Variants in F11 observed in about 807,000 individuals in gnomAD.
The protein encoded by F11 is coagulation factor XI.
In F11, 78 loss-of-function variants were observed where a neutral mutation model predicts 76.5. The ratio of observed to expected loss-of-function variants is 1.02; its 90% CI spans 0.85 to 1.23. The LOEUF (loss-of-function observed/expected upper bound fraction) is 1.23. Ranked by LOEUF, F11 falls within the 50% of genes most tolerant of loss-of-function variation. F11 has a pLI of 0.00. For synonymous variants in F11, 278 were observed against 276.3 expected (o/e 1.01, Z -0.06); for missense variants, 742 against 771.4 (o/e 0.96, Z 0.45).
intron 10 of F11, chr4:186,281,908 C>T (rs542464941): frequency 3.7e-5 from 46 of 1,256,530 alleles, no homozygotes; most frequent in Non-Finnish European, 4.7e-5. Context: ...ACACTGGTAT[C>T]CTAACTAACA....
At chr4:186,284,381 A>C in intron 11 of F11, 121 bp downstream of exon 11, 1 of 1,078,988 alleles carries the variant, frequency 9.3e-7, no homozygotes, top group Non-Finnish European at 1.4e-6. Flanking sequence ...AAATTAATTA[A>C]TTGCTTCAGT....
chr4:186,285,323 G>A (rs928926760), intron 11 of F11, among the ~76,000 whole-genome samples: 4 of 150,550 alleles, frequency 2.7e-5, no homozygotes, highest in African/African-American at 7.4e-5. Flanking sequence ...AGCGGTCTTC[G>A]TGTGTGTGTG....
At chr4:186,285,872 CA>C in intron 12 of F11, 59 bp downstream of exon 12, 1 of 1,561,682 alleles carries the variant, frequency 6.4e-7, no homozygotes, top group Non-Finnish European at 8.8e-7. Flanking sequence ...AAATGTTTAA[CA>C]CTACTAGACT....
Position 186,285,831 on chromosome 4 carries a change from C to T in F11, c.1480+18C>T, listed in dbSNP as rs368060101. The T allele has an allele frequency of 6.1e-5, 98 of 1,613,730 alleles. No individual in the cohort carries two copies. The highest frequency in any genetic ancestry group is 1.2e-4 in the Admixed American group (7 of 59,996). On this transcript the variant is annotated intron_variant, in intron 12 of 14. Transcript: ENST00000403665. ...TTACACAGGTACGGAGAATTTTATCCGGAAAGTTGTCTCCAATGGTGAACT... is the reference window on the plus strand; with the variant it reads ...TTACACAGGTACGGAGAATTTTATCTGGAAAGTTGTCTCCAATGGTGAACT...
intron 2 of F11, among the ~76,000 whole-genome samples, chr4:186,270,963 C>T (rs1030772681): frequency 2.0e-5 from 3 of 151,732 alleles, no homozygotes; most frequent in Non-Finnish European, 4.4e-5. Context: ...ACCTTAGCCT[C>T]CCAAAGTGCT....
chr4:186,276,084 A>T lies in F11; in HGVS notation c.596-147A>T, dbSNP rs901345163. 5 of 1,018,766 alleles carry T rather than the reference A, an allele frequency of 4.9e-6. No homozygotes were observed. The African/African-American group carries it at 8.1e-5, about 17-fold the overall frequency. 63.1% of individuals were successfully genotyped at this position (1,018,766 alleles called of 1,614,324 possible). Reference sequence around the variant, plus strand: ...CTATTTAAATTTCCAGTTTAAAATAATCATGCCATTTTCTTCTAAATAAAA... The same window carrying T: ...CTATTTAAATTTCCAGTTTAAAATATTCATGCCATTTTCTTCTAAATAAAA... On this transcript the variant is annotated intron_variant, in intron 6 of 14. Coordinates refer to ENST00000403665, the MANE Select transcript of F11 (RefSeq NM_000128.4).
chr4:186,275,198 A>G (rs990103981), intron 5 of F11: 4 of 456,762 alleles, frequency 8.8e-6, no homozygotes. Context: ...CATTAAAAGT[A>G]AGAAGGACTT....
intron 3 of F11, among the ~76,000 whole-genome samples, chr4:186,272,195 A>C (rs1240003689): frequency 1.3e-5 from 2 of 152,184 alleles, no homozygotes; most frequent in Admixed American, 6.5e-5. Flanking sequence ...CCCTGCCACC[A>C]CCAAAACCGC....
Position 186,285,732 on chromosome 4 carries a change from A to G in F11, c.1399A>G (p.Ile467Val), listed in dbSNP as rs755523353. The G allele has an allele frequency of 6.8e-6, 11 of 1,614,214 alleles. No individual in the cohort carries two copies. Among genetic ancestry groups the G allele is most frequent in the Non-Finnish European group, 9.3e-6 (11 of 1,180,012 alleles). ...DTSFFGVQEI[I>V]IHDQYKMAES... The stretch of plus-strand genomic sequence containing the variant: ...ATCTTTCTTTGGGGTTCAAGAAATA[A>G]TAATCCATGATCAGTATAAAATGGC... Residue 467 changes from isoleucine (I) to valine (V), a missense_variant, in exon 12 of 15, where the codon ATA becomes GTA. Transcript: ENST00000403665.
intron 2 of F11, 80 bp downstream of exon 2, chr4:186,267,271 ACCATT>A: frequency 2.2e-6 from 2 of 901,652 alleles, no homozygotes; most frequent in Non-Finnish European, 3.8e-6. Flanking sequence ...AGAATCCCAC[ACCATT>A]TATGCCGGGA....
chr4:186,280,649 G>C, intron 10 of F11, 69 bp downstream of exon 10: 1 of 1,310,622 alleles, frequency 7.6e-7, no homozygotes, highest in African/African-American at 1.5e-5. Flanking sequence ...TCACAATCAA[G>C]ACTGTCAGTT....
In F11 at chr4:186,270,860, G is replaced by GTTT. The variant is rs1389505483; in HGVS notation, c.56-748_56-747insTTT. On this transcript the variant is annotated intron_variant, in intron 2 of 14. Transcript: ENST00000403665. ...AGGTGGAAACAACCATGCCCAGCTA[G>GTTT]TATTTTTTTTTTTTTTTGTATTTTT... Among the ~76,000 whole-genome samples, 15 of 79,770 alleles carry GTTT rather than the reference G, an allele frequency of 1.9e-4. No individual in the cohort carries two copies. The East Asian group carries it at 5.7e-3, about 30-fold the overall frequency. The allele number at this position is 79,770 out of a possible 152,430, so 52.3% of individuals were successfully genotyped here.
intron 2 of F11, among the ~76,000 whole-genome samples, chr4:186,268,775 C>G (rs1221909710): frequency 6.6e-6 from 1 of 151,998 alleles, no homozygotes; most frequent in African/African-American, 2.4e-5. Context: ...TATATCAAAA[C>G]TTTGAGATGT....
rs1422755534 is a variant in F11 at position 186,284,186 on chromosome 4, C to T, written c.1230C>T (p.Pro410=). 1 of 1,614,250 alleles carries T rather than the reference C, an allele frequency of 6.2e-7. No homozygotes were observed. Among genetic ancestry groups the T allele is most frequent in the South Asian group, 1.1e-5 (1 of 91,088 alleles). The stretch of plus-strand genomic sequence containing the variant: ...AGGTGACCCTGCACACAACCTCACC[C>T]ACTCAGAGACACCTGTGTGGAGGCT... ...PWQVTLHTTS[P]TQRHLCGGSI... is the part of the protein sequence containing the mutation. The change falls in exon 11 of 15, where the codon CCC becomes CCT. Residue 410 remains proline, a synonymous_variant. Transcript: ENST00000403665.
At chr4:186,285,536 G>A in intron 11 of F11, 102 bp from the exon 12 acceptor site, 1 of 1,231,774 alleles carries the variant, frequency 8.1e-7, no homozygotes, top group South Asian at 1.3e-5. Context: ...GTCCATCATT[G>A]GCAGAAAATA....
In F11 at chr4:186,281,250, C is replaced by T. The variant is rs4253848; in HGVS notation, c.1135+670C>T. Reference sequence around the variant, plus strand: ...CTATTATCCTTTGTAAGGGAATTATCGATCAGCACTTTGGTTAGTCAAATT... The same window carrying T: ...CTATTATCCTTTGTAAGGGAATTATTGATCAGCACTTTGGTTAGTCAAATT... On this transcript the variant is annotated intron_variant, in intron 10 of 14. Coordinates refer to ENST00000403665, the MANE Select transcript of F11 (RefSeq NM_000128.4). 2.5e-3 allele frequency among the ~76,000 whole-genome samples: 383 copies of T among 152,276 alleles called. 1 individual carries two copies. Among genetic ancestry groups the T allele is most frequent in the African/African-American group, 8.5e-3 (355 of 41,550 alleles).
intron 2 of F11, among the ~76,000 whole-genome samples, chr4:186,269,226 T>C (rs1739735316): frequency 6.6e-6 from 1 of 152,084 alleles, no homozygotes; most frequent in South Asian, 2.1e-4. Context: ...CAAAAATCAA[T>C]AGATGTGTGA....
chr4:186,268,862 TATAAG>T (rs1739705215), intron 2 of F11, among the ~76,000 whole-genome samples: 1 of 152,128 alleles, frequency 6.6e-6, no homozygotes. Flanking sequence ...AAATTAATGA[TATAAG>T]ATGACAAGAA....
At chr4:186,274,436 C>A in intron 5 of F11, 161 bp downstream of exon 5, 3 of 859,570 alleles carry the variant, frequency 3.5e-6, no homozygotes, top group Middle Eastern at 3.4e-4. Flanking sequence ...ACACTTAAAG[C>A]CTAATTTGGA....
Sources: gnomAD v4.1 joint callset for allele counts (sites outside exome capture counted in the v4.1 genomes callset) on GRCh38, gnomAD v4.1.1 for gene constraint, MANE v1.5 for transcripts, NCBI Gene and HGNC (gene_info 2026-07-23, HGNC 2026-07-21) for gene names.